RASEF: variants seen among roughly 807,000 people sequenced by gnomAD.
The protein encoded by RASEF is RAS and EF-hand domain containing.
Under a neutral mutation model 90.1 loss-of-function variants are expected in RASEF, and 68 were observed. The ratio of observed to expected loss-of-function variants is 0.75; its 90% CI spans 0.62 to 0.92. The LOEUF is 0.92. Among genes scored for constraint, RASEF ranks in the 40% least tolerant of loss-of-function variants. The pLI, the probability that RASEF is intolerant of heterozygous loss-of-function variation, is 0.00. For missense variants in RASEF, 949 were observed against 937.2 expected (o/e 1.01, Z -0.16); for synonymous variants, 331 against 345.2 (o/e 0.96, Z 0.46).
the RASEF span, among the ~76,000 whole-genome samples, chr9:83,134,641 G>A: frequency 6.6e-6 from 1 of 152,034 alleles, no homozygotes. Flanking sequence ...AAGAAAGTAA[G>A]AGCTACCTAC....
the RASEF span, among the ~76,000 whole-genome samples, chr9:83,176,850 A>G: frequency 6.6e-6 from 1 of 152,094 alleles, no homozygotes; most frequent in African/African-American, 2.4e-5. Flanking sequence ...TCAAATTGTA[A>G]TATTTATTAC....
chr9:83,087,349 A>T, the RASEF span, among the ~76,000 whole-genome samples: 2 of 151,108 alleles, frequency 1.3e-5, no homozygotes, highest in East Asian at 3.9e-4. Flanking sequence ...TGATGGGAGT[A>T]GTGCCTTTAT....
chr9:83,028,208 C>A (rs1239558228), intron 1 of RASEF, among the ~76,000 whole-genome samples: 1 of 152,162 alleles, frequency 6.6e-6, no homozygotes, highest in Non-Finnish European at 1.5e-5. Flanking sequence ...TGACACACTG[C>A]CTGATTTAAA....
At chr9:82,992,029 C>T (rs1764612203) in intron 15 of RASEF, among the ~76,000 whole-genome samples, 1 of 152,218 alleles carries the variant, frequency 6.6e-6, no homozygotes, top group Non-Finnish European at 1.5e-5. Flanking sequence ...TTCTGCATTT[C>T]ATTGCCTAGT....
chr9:83,124,219 C>T, the RASEF span, among the ~76,000 whole-genome samples: 4 of 152,168 alleles, frequency 2.6e-5, no homozygotes, highest in Non-Finnish European at 2.9e-5. Context: ...TAAGTTGCTT[C>T]TATCTTTTGG....
At chr9:83,072,933 A>ATCTT in the RASEF span, among the ~76,000 whole-genome samples, 3 of 152,214 alleles carry the variant, frequency 2.0e-5, no homozygotes, top group African/African-American at 7.2e-5. Flanking sequence ...TCTTTTAAGC[A>ATCTT]TCTTTCATAA....
the RASEF span, among the ~76,000 whole-genome samples, chr9:83,089,947 T>TAGATAG: frequency 3.5e-5 from 5 of 142,940 alleles, no homozygotes; most frequent in African/African-American, 1.4e-4. Context: ...GATAGATAGA[T>TAGATAG]ATAGATATAT....
At chr9:83,126,823 CATA>C in the RASEF span, among the ~76,000 whole-genome samples, 2 of 152,168 alleles carry the variant, frequency 1.3e-5, no homozygotes, top group African/African-American at 4.8e-5. Context: ...TTATCAAAAA[CATA>C]ATTTTCTTTT....
the RASEF span, among the ~76,000 whole-genome samples, chr9:83,116,867 C>A: frequency 1.3e-5 from 2 of 152,140 alleles, no homozygotes; most frequent in East Asian, 3.9e-4. Flanking sequence ...ATCTATTCAA[C>A]ACCTCTTCCT....
the RASEF span, among the ~76,000 whole-genome samples, chr9:83,076,824 G>C: frequency 2.6e-5 from 4 of 151,974 alleles, no homozygotes; most frequent in Non-Finnish European, 5.9e-5. Context: ...TTGAAATATG[G>C]GACACCTGAA....
the RASEF span, among the ~76,000 whole-genome samples, chr9:83,210,199 A>G: frequency 1.1e-4 from 16 of 152,306 alleles, no homozygotes; most frequent in South Asian, 2.1e-3. Flanking sequence ...GCAGAGCTCC[A>G]TATTTGCAAG....
chr9:83,154,782 A>C, the RASEF span, among the ~76,000 whole-genome samples: 1 of 152,230 alleles, frequency 6.6e-6, no homozygotes, highest in Non-Finnish European at 1.5e-5. Flanking sequence ...TAAAATAAGA[A>C]TCCTTGCCTC....
At chr9:83,020,841 C>G (rs1367590433) in intron 3 of RASEF, among the ~76,000 whole-genome samples, 1 of 151,958 alleles carries the variant, frequency 6.6e-6, no homozygotes, top group Admixed American at 6.6e-5. Flanking sequence ...AATTTGTGCA[C>G]AGATTAAACA....
intron 4 of RASEF, among the ~76,000 whole-genome samples, chr9:83,013,200 A>G (rs1416299527): frequency 6.6e-6 from 1 of 152,170 alleles, no homozygotes; most frequent in East Asian, 1.9e-4. Flanking sequence ...TATAACCTGG[A>G]GAACAACAAC....
the RASEF span, among the ~76,000 whole-genome samples, chr9:83,199,224 T>TA: frequency 0.021 from 2,502 of 118,322 alleles, 68 homozygotes; most frequent in Non-Finnish European, 0.032. Context: ...AGCCCTAATT[T>TA]AAAAAAAAAA....
the RASEF span, among the ~76,000 whole-genome samples, chr9:83,152,931 G>A: frequency 6.6e-6 from 1 of 152,164 alleles, no homozygotes; most frequent in African/African-American, 2.4e-5. Context: ...GTTAGTGACT[G>A]CACTCAGACC....
At chr9:83,139,325 C>T in the RASEF span, among the ~76,000 whole-genome samples, 9 of 152,232 alleles carry the variant, frequency 5.9e-5, no homozygotes, top group African/African-American at 2.2e-4. Context: ...GCTTGGGCTC[C>T]AACCCTGGTC....
chr9:83,180,199 A>G, the RASEF span, among the ~76,000 whole-genome samples: 2 of 152,188 alleles, frequency 1.3e-5, no homozygotes, highest in African/African-American at 2.4e-5. Context: ...AACTGAGAGG[A>G]AATAATTCTG....
At chr9:83,018,069 T>G (rs117418710) in intron 3 of RASEF, among the ~76,000 whole-genome samples, 1,646 of 152,318 alleles carry the variant, frequency 0.011, 9 homozygotes, top group Non-Finnish European at 0.018. Flanking sequence ...TATAAAGGCA[T>G]CTGTGAACAC....
Sources: allele counts gnomAD v4.1 joint callset (sites outside exome capture counted in the v4.1 genomes callset), GRCh38; gene constraint gnomAD v4.1.1; transcripts MANE v1.5; gene names NCBI Gene and HGNC (gene_info 2026-07-23, HGNC 2026-07-21).